The following RRM2 variants were observed in gnomAD, a reference collection of about 807,000 sequenced individuals.
RRM2 encodes the protein ribonucleotide reductase regulatory subunit M2.
Under a neutral mutation model 45.9 loss-of-function variants are expected in RRM2, and 6 were observed. That is an observed-to-expected ratio of 0.13 (90% CI 0.07 to 0.26). RRM2 has a LOEUF of 0.26. Among genes scored for constraint, RRM2 ranks in the 10% least tolerant of loss-of-function variants. The pLI is 1.00. For missense variants in RRM2, 343 were observed against 489.5 expected, an observed-to-expected ratio of 0.70 and a Z score of 2.82; for synonymous variants, 177 against 173.0, an observed-to-expected ratio of 1.02 and a Z score of -0.18.
downstream of RRM2, among the ~76,000 whole-genome samples, chr2:10,133,716 T>G (rs1354369225): frequency 1.3e-5 from 2 of 151,638 alleles, no homozygotes; most frequent in Admixed American, 6.6e-5. Flanking sequence ...TTTTTTTTTT[T>G]TTTTTTTAAT....
intron 3 of RRM2, among the ~76,000 whole-genome samples, chr2:10,184,614 C>T (rs1664126396): frequency 6.6e-6 from 1 of 152,244 alleles, no homozygotes; most frequent in Non-Finnish European, 1.5e-5. Flanking sequence ...GGGGCTGAGG[C>T]CTCCTTGCAG....
downstream of RRM2, among the ~76,000 whole-genome samples, chr2:10,135,544 C>T (rs940492277): frequency 6.6e-6 from 1 of 151,792 alleles, no homozygotes; most frequent in Non-Finnish European, 1.5e-5. Context: ...TAAAGCTTGA[C>T]GGGCTTAGAA....
upstream of RRM2, among the ~76,000 whole-genome samples, chr2:10,138,997 A>G (rs1228547920): frequency 2.0e-5 from 3 of 152,152 alleles, no homozygotes; most frequent in Non-Finnish European, 4.4e-5. Context: ...AATCCCAGCT[A>G]CTTGGGAGAC....
chr2:10,123,176 C>T, intron 2 of RRM2, 119 bp downstream of exon 2: 2 of 1,337,088 alleles, frequency 1.5e-6, no homozygotes, highest in South Asian at 1.5e-5. Context: ...GCCTAGGCGG[C>T]CCCTCCCCAG....
chr2:10,193,074 C>T (rs993146681), intron 3 of RRM2, among the ~76,000 whole-genome samples: 3 of 152,188 alleles, frequency 2.0e-5, no homozygotes, highest in Non-Finnish European at 4.4e-5. Context: ...TGCAGAGGCC[C>T]TTCCGCTGCA....
At chr2:10,192,162 G>A (rs1193123047) in intron 3 of RRM2, among the ~76,000 whole-genome samples, 7 of 152,150 alleles carry the variant, frequency 4.6e-5, no homozygotes, top group South Asian at 2.1e-4. Context: ...AAAAGAGGAG[G>A]GGGTGGGAAG....
At chr2:10,163,544 C>T (rs1286375159) in intron 3 of RRM2, among the ~76,000 whole-genome samples, 4 of 152,122 alleles carry the variant, frequency 2.6e-5, no homozygotes, top group African/African-American at 7.2e-5. Context: ...TCAGTTTCCC[C>T]GGGTCTGCAA....
At chr2:10,139,679 G>C (rs1181308915), upstream of RRM2, among the ~76,000 whole-genome samples, 1 of 152,182 alleles carries the variant, frequency 6.6e-6, no homozygotes, top group African/African-American at 2.4e-5. Context: ...CTTCGGTTTT[G>C]CTCTGTTTGG....
chr2:10,123,121 CA>C (rs1662701039), intron 2 of RRM2, 64 bp downstream of exon 2: 3 of 1,492,650 alleles, frequency 2.0e-6, no homozygotes, highest in African/African-American at 2.8e-5. Context: ...GCCAAAGCCG[CA>C]TTGTTTCCTC....
At chr2:10,157,196 T>TA (rs1663449179) in intron 3 of RRM2, among the ~76,000 whole-genome samples, 1 of 151,888 alleles carries the variant, frequency 6.6e-6, no homozygotes, top group South Asian at 2.1e-4. Context: ...GCCCGGCTAA[T>TA]TTTTTGTATT....
intron 3 of RRM2, among the ~76,000 whole-genome samples, chr2:10,151,193 T>C (rs1417771222): frequency 6.6e-6 from 1 of 152,230 alleles, no homozygotes; most frequent in East Asian, 1.9e-4. Context: ...TTTCATTGTA[T>C]GGCTATGCCA....
intron 3 of RRM2, among the ~76,000 whole-genome samples, chr2:10,158,543 G>T (rs1038476748): frequency 3.3e-5 from 5 of 151,934 alleles, no homozygotes; most frequent in Admixed American, 6.6e-5. Context: ...CCTAACTCCG[G>T]GCTGTGATGA....
intron 3 of RRM2, among the ~76,000 whole-genome samples, chr2:10,177,200 C>A (rs148122870): frequency 6.6e-6 from 1 of 151,964 alleles, no homozygotes; most frequent in Non-Finnish European, 1.5e-5. Context: ...GAACCAAGAT[C>A]GCACCATTGC....
At chr2:10,210,386 C>G (rs13406078) in exon 4 of RRM2, 2 of 1,367,380 alleles carry the variant, frequency 1.5e-6, no homozygotes, top group Admixed American at 3.8e-5. Context: ...GGAGAGCCAC[C>G]GTGGTGCTCA....
chr2:10,141,144 G>A (rs1242271830), upstream of RRM2, among the ~76,000 whole-genome samples: 1 of 152,190 alleles, frequency 6.6e-6, no homozygotes, highest in African/African-American at 2.4e-5. Context: ...GGAGAGGTGG[G>A]AGTTAGTTGC....
At chr2:10,197,126 T>A (rs1191026592) in intron 3 of RRM2, among the ~76,000 whole-genome samples, 1 of 152,232 alleles carries the variant, frequency 6.6e-6, no homozygotes, top group Non-Finnish European at 1.5e-5. Context: ...TGTACTCACA[T>A]AACCCAGTCC....
chr2:10,183,874 C>T (rs866593222), intron 3 of RRM2, among the ~76,000 whole-genome samples: 194 of 150,996 alleles, frequency 1.3e-3, no homozygotes, highest in East Asian at 1.8e-3. Flanking sequence ...CGGATCATGA[C>T]GTCAGGAGAT....
intron 3 of RRM2, among the ~76,000 whole-genome samples, chr2:10,163,656 G>T (rs778583360): frequency 1.0e-4 from 16 of 152,390 alleles, no homozygotes; most frequent in Non-Finnish European, 2.4e-4. Flanking sequence ...AAGGCCTGAA[G>T]AGGGAAGTCT....
chr2:10,150,984 T>C (rs1663301084), intron 3 of RRM2, among the ~76,000 whole-genome samples: 1 of 151,910 alleles, frequency 6.6e-6, no homozygotes, highest in Non-Finnish European at 1.5e-5. Flanking sequence ...CGACTAATTT[T>C]TTGTATTTTT....
Sources: allele counts gnomAD v4.1 joint callset (sites outside exome capture counted in the v4.1 genomes callset), GRCh38; gene constraint gnomAD v4.1.1; transcripts MANE v1.5; gene names NCBI Gene and HGNC (gene_info 2026-07-23, HGNC 2026-07-21).